Variants in IFT56 observed in about 807,000 individuals in gnomAD.
IFT56 encodes intraflagellar transport 56.
the IFT56 span, among the ~76,000 whole-genome samples, chr7:139,186,715 A>G: frequency 6.6e-6 from 1 of 152,200 alleles, no homozygotes; most frequent in East Asian, 1.9e-4. Context: ...AAAAGAATGT[A>G]CTGAAGAGAC....
the IFT56 span, chr7:139,179,680 C>T: frequency 6.6e-7 from 1 of 1,514,832 alleles, no homozygotes; most frequent in Non-Finnish European, 9.1e-7. Context: ...AAGAAGAATC[C>T]TCTTTTTCTT....
the IFT56 span, chr7:139,173,435 G>T: frequency 1.8e-5 from 10 of 556,990 alleles, no homozygotes; most frequent in Non-Finnish European, 2.9e-5. Context: ...CGCCATGTTG[G>T]CCAGGCTGGT....
the IFT56 span, among the ~76,000 whole-genome samples, chr7:139,171,741 A>T: frequency 3.9e-5 from 6 of 152,234 alleles, no homozygotes; most frequent in Non-Finnish European, 8.8e-5. Context: ...AAATTCTACA[A>T]GAAAACATTG....
the IFT56 span, among the ~76,000 whole-genome samples, chr7:139,185,010 C>T: frequency 2.7e-5 from 4 of 150,046 alleles, no homozygotes; most frequent in African/African-American, 7.4e-5. Context: ...GCCGAGATCG[C>T]GCCACTGCAC....
chr7:139,180,247 A>G, the IFT56 span, among the ~76,000 whole-genome samples: 2 of 152,126 alleles, frequency 1.3e-5, no homozygotes, highest in Non-Finnish European at 1.5e-5. Context: ...TGAGATAGGA[A>G]AATGGCGTGA....
At chr7:139,177,978 G>A in the IFT56 span, among the ~76,000 whole-genome samples, 2 of 152,116 alleles carry the variant, frequency 1.3e-5, no homozygotes, top group Admixed American at 6.6e-5. Flanking sequence ...CCTGCAGGGC[G>A]TGTGTTCATT....
chr7:139,142,460 T>TC, the IFT56 span, among the ~76,000 whole-genome samples: 6 of 152,244 alleles, frequency 3.9e-5, no homozygotes, highest in East Asian at 5.8e-4. Flanking sequence ...TATAGGATTT[T>TC]CTCCTCTATC....
At chr7:139,139,658 T>C in the IFT56 span, among the ~76,000 whole-genome samples, 1,736 of 152,284 alleles carry the variant, frequency 0.011, 26 homozygotes, top group African/African-American at 0.039. Context: ...CAGTATTAAC[T>C]GGGGGACAAA....
chr7:139,173,904 T>C, the IFT56 span: 7 of 706,708 alleles, frequency 9.9e-6, no homozygotes, highest in Non-Finnish European at 1.6e-5. Flanking sequence ...CTCTGGTTCT[T>C]CTTTCACTTC....
the IFT56 span, chr7:139,191,297 C>T: frequency 2.9e-4 from 44 of 152,278 alleles, no homozygotes; most frequent in African/African-American, 1.0e-3. Flanking sequence ...AAATGGCTCT[C>T]AGCATCTTAG....
At chr7:139,187,392 G>A in the IFT56 span, 31 of 1,613,096 alleles carry the variant, frequency 1.9e-5, no homozygotes, top group African/African-American at 1.6e-4. Context: ...TACCACATAC[G>A]TTCTCTTATT....
the IFT56 span, chr7:139,174,049 C>T: frequency 1.6e-6 from 1 of 610,252 alleles, no homozygotes; most frequent in African/African-American, 1.9e-5. Flanking sequence ...TCAATCAACA[C>T]CAGGCAACCT....
At chr7:139,168,648 C>T in the IFT56 span, 1 of 428,832 alleles carries the variant, frequency 2.3e-6, no homozygotes, top group Non-Finnish European at 4.3e-6. Flanking sequence ...TAAATAGCAA[C>T]TTATTTAATA....
the IFT56 span, chr7:139,178,625 G>A: frequency 3.2e-6 from 5 of 1,585,160 alleles, no homozygotes; most frequent in East Asian, 2.2e-5. Flanking sequence ...GAGAGCATTT[G>A]AATGATTCTA....
chr7:139,183,310 C>A, the IFT56 span, among the ~76,000 whole-genome samples: 1 of 152,120 alleles, frequency 6.6e-6, no homozygotes, highest in East Asian at 1.9e-4. Context: ...AGGAGTCATA[C>A]GACTCAACAT....
the IFT56 span, among the ~76,000 whole-genome samples, chr7:139,177,609 A>AGTGTG: frequency 8.0e-6 from 1 of 125,606 alleles, no homozygotes; most frequent in South Asian, 2.6e-4. Context: ...ACATATATAT[A>AGTGTG]TAGTGTGTGT....
At chr7:139,170,399 C>CA in the IFT56 span, among the ~76,000 whole-genome samples, 1 of 151,796 alleles carries the variant, frequency 6.6e-6, no homozygotes, top group Non-Finnish European at 1.5e-5. Context: ...AAAGGCACAT[C>CA]AAAAAAAGAA....
the IFT56 span, chr7:139,191,712 A>T: frequency 6.6e-6 from 1 of 152,234 alleles, no homozygotes; most frequent in Admixed American, 6.5e-5. Flanking sequence ...TTTATTAAAG[A>T]TAGCTACTTC....
At chr7:139,151,800 G>T in the IFT56 span, among the ~76,000 whole-genome samples, 1 of 152,196 alleles carries the variant, frequency 6.6e-6, no homozygotes, top group South Asian at 2.1e-4. Context: ...AGTGGCTCAC[G>T]CCTGTAATCC....
Sources: gnomAD v4.1 joint callset for allele counts (sites outside exome capture counted in the v4.1 genomes callset) on GRCh38, gnomAD v4.1.1 for gene constraint, MANE v1.5 for transcripts, NCBI Gene and HGNC (gene_info 2026-07-23, HGNC 2026-07-21) for gene names.